MGA: variants seen among roughly 807,000 people sequenced by gnomAD.
MGA encodes the protein MAX dimerization protein MGA.
MGA carries 40 observed loss-of-function variants against 261.1 expected under a neutral mutation model. The observed-to-expected ratio is 0.15, with a 90% CI of 0.12 to 0.20. The LOEUF is 0.20. Among genes scored for constraint, MGA ranks in the 10% least tolerant of loss-of-function variants. The pLI, the probability that MGA is intolerant of heterozygous loss-of-function variation, is 1.00. For missense variants in MGA, 3,397 were observed against 3,630.5 expected (o/e 0.94, Z 1.65); for synonymous variants, 1,302 against 1,290.6 (o/e 1.01, Z -0.19).
intron 7 of MGA, among the ~76,000 whole-genome samples, chr15:41,709,356 A>G (rs2151461016): frequency 6.6e-6 from 1 of 152,100 alleles, no homozygotes; most frequent in Non-Finnish European, 1.5e-5. Context: ...TCAAACAAAC[A>G]AACAAAAACC....
intron 2 of MGA, among the ~76,000 whole-genome samples, chr15:41,687,236 T>A (rs763636048): frequency 6.6e-6 from 1 of 152,206 alleles, no homozygotes; most frequent in Non-Finnish European, 1.5e-5. Flanking sequence ...ATGGATCATA[T>A]GTGCCTACCG....
chr15:41,688,919 T>C (rs1023479662), intron 2 of MGA, among the ~76,000 whole-genome samples: 1 of 152,186 alleles, frequency 6.6e-6, no homozygotes, highest in Non-Finnish European at 1.5e-5. Flanking sequence ...TGCTTTCTTA[T>C]TATGTCCACA....
chr15:41,644,161 A>G (rs1371701018), intron 1 of MGA, among the ~76,000 whole-genome samples: 2 of 151,948 alleles, frequency 1.3e-5, no homozygotes, highest in Non-Finnish European at 2.9e-5. Context: ...ATAATAAGAC[A>G]TTTCTTCATA....
chr15:41,739,212 A>G (rs1178276728), intron 13 of MGA, among the ~76,000 whole-genome samples: 1 of 152,202 alleles, frequency 6.6e-6, no homozygotes, highest in Non-Finnish European at 1.5e-5. Context: ...CTCAGGCAGC[A>G]GAGGGGATCT....
rs2059969235 is a variant in MGA, at chr15:41,703,710, C to T, written c.2189-4018C>T. 2.6e-5 allele frequency among the ~76,000 whole-genome samples: 4 copies of T among 152,100 alleles called. No individual in the cohort carries two copies. The South Asian group carries it at 8.3e-4, about 32-fold the overall frequency. On this transcript the variant is annotated intron_variant, in intron 5 of 23. Coordinates refer to ENST00000219905, the MANE Select transcript of MGA (RefSeq NM_001164273.2). ...TGAGTGGAGATCCTGCCACTGCACTCCAGCCTGGGCAACAGAGCGAGACTG... is the reference window on the plus strand; with the variant it reads ...TGAGTGGAGATCCTGCCACTGCACTTCAGCCTGGGCAACAGAGCGAGACTG...
At chr15:41,653,713 T>TA (rs755325703) in intron 1 of MGA, among the ~76,000 whole-genome samples, 315 of 125,842 alleles carry the variant, frequency 2.5e-3, no homozygotes, top group Middle Eastern at 4.0e-3. Flanking sequence ...CCCCATCTCT[T>TA]AAAAAAAAAA....
At chr15:41,743,630 A>G (rs1442573607) in intron 15 of MGA, among the ~76,000 whole-genome samples, 1 of 152,208 alleles carries the variant, frequency 6.6e-6, no homozygotes, top group Admixed American at 6.5e-5. Flanking sequence ...AGGGGTGCAC[A>G]TCTTTGAGGA....
intron 17 of MGA, among the ~76,000 whole-genome samples, chr15:41,752,583 C>T (rs948633482): frequency 1.7e-5 from 2 of 117,484 alleles, no homozygotes; most frequent in African/African-American, 3.2e-5. Context: ...TTAACAGAGT[C>T]TCGCTTTGTC....
chr15:41,691,469 A>G (rs2059281876), intron 2 of MGA: 1 of 264,654 alleles, frequency 3.8e-6, no homozygotes, highest in Non-Finnish European at 8.1e-6. Flanking sequence ...AAGATCATTT[A>G]CCTGTGAATA....
At chr15:41,676,738 A>G (rs2058404122) in intron 2 of MGA, among the ~76,000 whole-genome samples, 1 of 152,238 alleles carries the variant, frequency 6.6e-6, no homozygotes, top group South Asian at 2.1e-4. Context: ...TTGCAAATAC[A>G]GTGATTAATT....
chr15:41,736,753 C>G, intron 13 of MGA, 55 bp downstream of exon 13: 1 of 1,463,376 alleles, frequency 6.8e-7, no homozygotes, highest in Non-Finnish European at 9.1e-7. Flanking sequence ...TAGGTAGTAT[C>G]ATGATTTTTC....
At chr15:41,699,569 T>C (rs1321323490) in intron 5 of MGA, among the ~76,000 whole-genome samples, 1 of 152,228 alleles carries the variant, frequency 6.6e-6, no homozygotes, top group Non-Finnish European at 1.5e-5. Context: ...TGGTGCAATC[T>C]CTGCTCACTG....
chr15:41,681,155 TA>T (rs1282064730), intron 2 of MGA, among the ~76,000 whole-genome samples: 1 of 152,174 alleles, frequency 6.6e-6, no homozygotes, highest in African/African-American at 2.4e-5. Context: ...AAAGATTAAA[TA>T]AAACCACTTA....
chr15:41,643,939 T>TTTCTCA (rs200393107), intron 1 of MGA, among the ~76,000 whole-genome samples: 5,013 of 152,146 alleles, frequency 0.033, 138 homozygotes, highest in South Asian at 0.07. Context: ...TCCATAAAAG[T>TTTCTCA]TTTATAGTTT....
At chr15:41,719,561 C>T (rs1183593586) in intron 9 of MGA, among the ~76,000 whole-genome samples, 1 of 151,934 alleles carries the variant, frequency 6.6e-6, no homozygotes, top group Non-Finnish European at 1.5e-5. Context: ...GGCAACATGG[C>T]GAAACCCTGT....
intron 2 of MGA, among the ~76,000 whole-genome samples, chr15:41,682,679 C>T (rs75660367): frequency 6.6e-6 from 1 of 151,854 alleles, no homozygotes; most frequent in Non-Finnish European, 1.5e-5. Context: ...TGGGGTTTCA[C>T]CATTTTGGCC....
chr15:41,699,174 ACTT>A lies in MGA; in HGVS notation c.2188+19_2188+21del, dbSNP rs2059701279. 3 of 1,498,526 alleles carry A rather than the reference ACTT, an allele frequency of 2.0e-6. No individual in the cohort carries two copies. The highest frequency in any genetic ancestry group is 2.6e-5 in the South Asian group (2 of 76,572). The allele number at this position is 1,498,526 out of a possible 1,614,324, so 92.8% of individuals were successfully genotyped here. On this transcript the variant is annotated intron_variant, in intron 5 of 23. Coordinates refer to ENST00000219905, the MANE Select transcript of MGA (RefSeq NM_001164273.2). ...TCTTCAAGAAGGTAATAGACTAGCG[ACTT>A]CTTTTTTTTTGTTTTCTTTTTTTCT... is the stretch of plus-strand genomic sequence containing the variant.
intron 1 of MGA, among the ~76,000 whole-genome samples, chr15:41,649,981 T>A (rs1040866038): frequency 7.2e-5 from 11 of 152,140 alleles, no homozygotes; most frequent in Non-Finnish European, 1.5e-5. Flanking sequence ...GCGCCCAGCC[T>A]TCCACACCAC....
At chr15:41,672,198 A>T (rs2058099885) in intron 2 of MGA, among the ~76,000 whole-genome samples, 1 of 152,196 alleles carries the variant, frequency 6.6e-6, no homozygotes, top group Non-Finnish European at 1.5e-5. Flanking sequence ...TCTGTCACTT[A>T]GAATGGGTGC....
Sources: allele counts gnomAD v4.1 joint callset (sites outside exome capture counted in the v4.1 genomes callset), GRCh38; gene constraint gnomAD v4.1.1; transcripts MANE v1.5; gene names NCBI Gene and HGNC (gene_info 2026-07-23, HGNC 2026-07-21).